Variants in MYO6 observed in about 807,000 individuals in gnomAD.
The protein encoded by MYO6 is unconventional myosin-VI.
In MYO6, 74 loss-of-function variants were observed where a neutral mutation model predicts 178.7. The observed-to-expected ratio is 0.41, with a 90% CI of 0.34 to 0.50. The LOEUF is 0.50. Among genes scored for constraint, MYO6 ranks in the 20% least tolerant of loss-of-function variants. The pLI, the probability that MYO6 is intolerant of heterozygous loss-of-function variation, is 0.09. For synonymous variants in MYO6, 477 were observed against 504.6 expected, an observed-to-expected ratio of 0.95 and a Z score of 0.73; for missense variants, 1,330 against 1,547.4, an observed-to-expected ratio of 0.86 and a Z score of 2.36.
intron 16 of MYO6, among the ~76,000 whole-genome samples, chr6:75,865,701 G>A (rs58034517): frequency 6.7e-6 from 1 of 150,082 alleles, no homozygotes; most frequent in African/African-American, 2.4e-5. Context: ...TATTTCAAGG[G>A]TCAGATGTGA....
At chr6:75,905,247 T>G (rs1780189039) in intron 30 of MYO6, among the ~76,000 whole-genome samples, 1 of 152,080 alleles carries the variant, frequency 6.6e-6, no homozygotes, top group African/African-American at 2.4e-5. Context: ...GCTGTGATGC[T>G]TCCCAGTTGG....
chr6:75,908,666 A>G (rs1385628462), intron 32 of MYO6, 39 bp downstream of exon 32: 25 of 1,590,582 alleles, frequency 1.6e-5, no homozygotes, highest in Admixed American at 3.3e-5. Context: ...TTTAAAATAT[A>G]TGTATATAAA....
Position 75,888,243 on chromosome 6 carries a change from C to G in MYO6, c.2658+1249C>G, listed in dbSNP as rs561271925. The stretch of plus-strand genomic sequence containing the variant: ...GTTGCAGTGAGCCAAGATTGTGCCA[C>G]TGCACTCCTGCCTCAGCGACAGAGT... On this transcript the variant is annotated intron_variant, in intron 25 of 34. Transcript: ENST00000369977. Among the ~76,000 whole-genome samples the G allele has an allele frequency of 2.6e-5, 4 of 152,214 alleles. No homozygotes were observed. In the South Asian group the frequency reaches 8.3e-4, roughly 32 times the overall value.
At chr6:75,768,128 A>G (rs1302073095) in intron 1 of MYO6, 1 of 152,058 alleles carries the variant, frequency 6.6e-6, no homozygotes, top group Non-Finnish European at 1.5e-5. Context: ...AGTCCTTCCA[A>G]TTTTAGTATA....
intron 6 of MYO6, among the ~76,000 whole-genome samples, chr6:75,834,552 A>G (rs981824534): frequency 6.6e-6 from 1 of 152,094 alleles, no homozygotes; most frequent in African/African-American, 2.4e-5. Context: ...GTTTAGAATT[A>G]TAGCATTTTA....
Position 75,914,810 on chromosome 6 carries a change from C to T in MYO6, c.3659-3C>T, listed in dbSNP as rs1244492385. 2.5e-6 allele frequency: 4 copies of T among 1,613,952 alleles called. No individual in the cohort carries two copies. Among genetic ancestry groups the T allele is most frequent in the East Asian group, 2.2e-5 (1 of 44,880 alleles). On this transcript the variant is annotated splice_polypyrimidine_tract_variant and splice_region_variant and intron_variant, in intron 34 of 34. Coordinates refer to ENST00000369977, the MANE Select transcript of MYO6 (RefSeq NM_004999.4). ...GTAATTTTCTGATATCTCATGAATA[C>T]AGGTAAGGACGACATGGAGATGTGT... is the stretch of plus-strand genomic sequence containing the variant.
intron 25 of MYO6, among the ~76,000 whole-genome samples, chr6:75,888,835 C>T (rs1034754826): frequency 2.0e-5 from 3 of 151,954 alleles, no homozygotes; most frequent in Admixed American, 6.6e-5. Context: ...TTCATAGATA[C>T]GATAATGTAA....
At chr6:75,753,406 C>T (rs1360768847) in intron 1 of MYO6, among the ~76,000 whole-genome samples, 1 of 150,076 alleles carries the variant, frequency 6.7e-6, no homozygotes, top group Non-Finnish European at 1.5e-5. Flanking sequence ...CTTTTGGAGG[C>T]ATTATATCTA....
chr6:75,802,498 T>A (rs1444169307), intron 1 of MYO6, among the ~76,000 whole-genome samples: 3 of 87,530 alleles, frequency 3.4e-5, no homozygotes, highest in Admixed American at 2.3e-4. Flanking sequence ...TTTTTTTTTT[T>A]AATGAGACTG....
At chr6:75,838,138 T>A (rs1255316083) in intron 7 of MYO6, among the ~76,000 whole-genome samples, 1 of 151,910 alleles carries the variant, frequency 6.6e-6, no homozygotes, top group African/African-American at 2.4e-5. Flanking sequence ...CTGTAACCTC[T>A]GTCTCCCGAG....
At chr6:75,827,949 A>T (rs1262893475) in intron 3 of MYO6, among the ~76,000 whole-genome samples, 2 of 152,198 alleles carry the variant, frequency 1.3e-5, no homozygotes, top group Non-Finnish European at 2.9e-5. Flanking sequence ...TGGAGAATAG[A>T]TTGGGAGTCA....
intron 11 of MYO6, among the ~76,000 whole-genome samples, chr6:75,853,897 C>A (rs1775507005): frequency 6.6e-6 from 1 of 151,558 alleles, no homozygotes; most frequent in Admixed American, 6.6e-5. Context: ...ACATACATAA[C>A]CTCATTAATC....
At chr6:75,788,755 A>G (rs901571261) in intron 1 of MYO6, among the ~76,000 whole-genome samples, 3 of 152,176 alleles carry the variant, frequency 2.0e-5, no homozygotes, top group African/African-American at 7.2e-5. Flanking sequence ...ATTTTGTCAG[A>G]AGAAGCCATT....
intron 16 of MYO6, among the ~76,000 whole-genome samples, chr6:75,864,163 C>A (rs1285391198): frequency 6.6e-6 from 1 of 152,180 alleles, no homozygotes; most frequent in African/African-American, 2.4e-5. Flanking sequence ...GCAAAATTGC[C>A]TCTCAAACAA....
intron 1 of MYO6, among the ~76,000 whole-genome samples, chr6:75,757,929 G>A (rs1777602550): frequency 6.8e-6 from 1 of 146,774 alleles, no homozygotes; most frequent in Non-Finnish European, 1.5e-5. Flanking sequence ...CGAAAAGCAA[G>A]AAGAGCAATA....
chr6:75,787,121 C>T (rs1354166741), intron 1 of MYO6, among the ~76,000 whole-genome samples: 1 of 152,184 alleles, frequency 6.6e-6, no homozygotes, highest in Non-Finnish European at 1.5e-5. Context: ...TATGCAATGA[C>T]ATAGCACTAC....
At chr6:75,896,122 T>TA (rs1779283233) in intron 29 of MYO6, among the ~76,000 whole-genome samples, 1 of 152,158 alleles carries the variant, frequency 6.6e-6, no homozygotes. Context: ...TTTTGGAATA[T>TA]ATATAAAATC....
intron 23 of MYO6, among the ~76,000 whole-genome samples, chr6:75,882,314 A>G (rs769961043): frequency 1.3e-5 from 2 of 152,184 alleles, no homozygotes; most frequent in Non-Finnish European, 1.5e-5. Flanking sequence ...CTTTTGCATA[A>G]TAATTCCATT....
intron 19 of MYO6, 38 bp from the exon 20 acceptor site, chr6:75,873,169 T>C (rs2149327566): frequency 6.7e-7 from 1 of 1,482,158 alleles, no homozygotes. Context: ...CTAAGAATGC[T>C]ATATGTATTG....
Sources: allele counts gnomAD v4.1 joint callset (sites outside exome capture counted in the v4.1 genomes callset), GRCh38; gene constraint gnomAD v4.1.1; transcripts MANE v1.5; gene names NCBI Gene and HGNC (gene_info 2026-07-23, HGNC 2026-07-21).